Variants in RET observed in about 807,000 individuals in gnomAD.
RET encodes proto-oncogene tyrosine-protein kinase receptor Ret.
RET carries 19 observed loss-of-function variants against 118.3 expected under a neutral mutation model. The observed-to-expected ratio is 0.16, with a 90% confidence interval of 0.11 to 0.24. The LOEUF (loss-of-function observed/expected upper bound fraction) is 0.24, where lower values mean the gene tolerates loss of function less well. Among genes scored for constraint, RET ranks in the 10% least tolerant of loss-of-function variants. The pLI is 1.00. For missense variants in RET, 1,219 were observed against 1,502.1 expected (o/e 0.81, Z 3.12); for synonymous variants, 597 against 644.1 (o/e 0.93, Z 1.11).
At chr10:43,111,598 C>G (rs1318461845) in intron 7 of RET, 133 bp downstream of exon 7, 2 of 974,482 alleles carry the variant, frequency 2.1e-6, no homozygotes, top group Non-Finnish European at 3.0e-6. Context: ...CCAGCTTCAC[C>G]CTGAGTGACC....
At position 43,109,222 on chromosome 10, in the gene RET, T is replaced by C; in HGVS notation, c.1255T>C (p.Phe419Leu). 1 of 1,612,968 alleles carries C rather than the reference T, an allele frequency of 6.2e-7. No individual in the cohort carries two copies. The highest frequency in any genetic ancestry group is 2.2e-5 in the East Asian group (1 of 44,872). Residue 419 changes from phenylalanine to leucine, a missense_variant, in exon 6 of 20, where the codon TTT (phenylalanine) becomes CTT (leucine). By Grantham distance (22) the Phe-to-Leu change is conservative. Coordinates refer to ENST00000355710, the MANE Select transcript of RET (RefSeq NM_020975.6). Reference protein sequence around the residue: ...SLSVSRRARRFAQIGKVCVEN... With the variant: ...SLSVSRRARRLAQIGKVCVEN... Reference sequence around the variant, plus strand: ...CTCCGTGAGCAGGAGGGCTCGCCGATTTGCCCAGGTGAGCCCATACCTATT... The same window carrying C: ...CTCCGTGAGCAGGAGGGCTCGCCGACTTGCCCAGGTGAGCCCATACCTATT...
chr10:43,083,626 G>A (rs1020568432), intron 1 of RET, among the ~76,000 whole-genome samples: 3 of 151,772 alleles, frequency 2.0e-5, no homozygotes, highest in Non-Finnish European at 4.4e-5. Flanking sequence ...TACAGAGGAC[G>A]CGGGGATGGG....
In RET at chr10:43,116,686, A is replaced by C. The variant is rs2132907805; in HGVS notation, c.2239A>C (p.Lys747Gln). Reference protein sequence around the residue: ...KVVKATAFHLKGRAGYTTVAV... With the variant: ...KVVKATAFHLQGRAGYTTVAV... ...GGTCAAGGCAACGGCCTTCCATCTG[A>C]AAGGCAGAGCAGGGTACACCACGGT... Residue 747 changes from lysine (K) to glutamine (Q), a missense_variant, in exon 12 of 20, where the codon AAA becomes CAA. By Grantham distance (53) the Lys-to-Gln change is moderately conservative. Around this residue, in one of 5 missense-constraint regions of RET, gnomAD observed 850 missense variants for 969.6 expected, o/e 0.88. Coordinates refer to ENST00000355710, the MANE Select transcript of RET (RefSeq NM_020975.6). 4 of 1,611,884 alleles carry C rather than the reference A, an allele frequency of 2.5e-6. No homozygotes were observed. In the East Asian group the frequency reaches 6.7e-5, roughly 27 times the overall value.
rs77939446 is a variant in RET at position 43,113,622 on chromosome 10, G to T, written c.1826G>T (p.Cys609Phe). The T allele has an allele frequency of 1.2e-6, 2 of 1,613,266 alleles. No homozygotes were observed. Among genetic ancestry groups the T allele is most frequent in the Non-Finnish European group, 1.7e-6 (2 of 1,179,832 alleles). ...PRGIKAGYGT[C>F]NCFPEEEKCF... ...GGGATTAAAGCTGGCTATGGCACCT[G>T]CAACTGCTTCCCTGAGGAGGAGAAG... is the stretch of plus-strand genomic sequence containing the variant. The change falls in exon 10 of 20, where the codon TGC (cysteine) becomes TTC (phenylalanine). Residue 609 changes from cysteine (C) to phenylalanine (F), a missense_variant. By Grantham distance (205) the Cys-to-Phe change is radical (BLOSUM62 -2). This residue lies in a region of RET where 850 missense variants were observed against 969.6 expected (regional missense o/e 0.88). Transcript: ENST00000355710.
chr10:43,128,512 T>C lies in RET; in HGVS notation c.*243T>C. 2 of 575,276 alleles carry C rather than the reference T, an allele frequency of 3.5e-6. No individual in the cohort carries two copies. Among genetic ancestry groups the C allele is most frequent in the East Asian group, 3.0e-5 (1 of 33,282 alleles). The allele number at this position is 575,276 out of a possible 1,614,324, so 35.6% of individuals were successfully genotyped here. On this transcript the variant is annotated 3_prime_UTR_variant, in exon 20 of 20. Transcript: ENST00000355710. ...GCTCTGAGTCTTAGTGGTTAAGCAT[T>C]CCTTTCTCTTCAGTGCCCAGCAGCA...
Position 43,114,685 on chromosome 10 carries a change from C to G in RET, c.2085C>G (p.Pro695=), listed in dbSNP as rs571603831. Residue 695 remains proline, a synonymous_variant, in exon 11 of 20, where the codon CCC becomes CCG. Coordinates refer to ENST00000355710, the MANE Select transcript of RET (RefSeq NM_020975.6). This position sits in a 1 kb window ranked among gnomAD's most constrained non-coding sequence, Gnocchi z 4.6. ...ACTCCTCTTCCGGTGCCCGCCGGCC[C>G]TCGCTGGACTCCATGGAGAACCAGG... ...VSYSSSGARR[P]SLDSMENQVS... 6.2e-7 allele frequency: 1 copy of G among 1,612,352 alleles called. No individual in the cohort carries two copies. Among genetic ancestry groups the G allele is most frequent in the Admixed American group, 1.7e-5 (1 of 59,992 alleles).
intron 5 of RET, among the ~76,000 whole-genome samples, chr10:43,107,056 A>G (rs1384372015): frequency 1.3e-5 from 2 of 152,182 alleles, no homozygotes; most frequent in Non-Finnish European, 2.9e-5. Flanking sequence ...ACATGCCACC[A>G]TGCTCACCTG....
rs1353359492 is a variant in RET, at chr10:43,128,327, A to G, written c.*58A>G. On this transcript the variant is annotated 3_prime_UTR_variant, in exon 20 of 20. Coordinates refer to ENST00000355710, the MANE Select transcript of RET (RefSeq NM_020975.6). The stretch of plus-strand genomic sequence containing the variant: ...GGGAAGAAACATGCTGAGAATGGAA[A>G]GTCTACCGGCCCTTTCTTTGTGAAC... 1 of 1,592,254 alleles carries G rather than the reference A, an allele frequency of 6.3e-7. No homozygotes were observed. Among genetic ancestry groups the G allele is most frequent in the Non-Finnish European group, 8.6e-7 (1 of 1,160,438 alleles).
At chr10:43,107,362 A>AGTGG (rs1837805236) in intron 5 of RET, among the ~76,000 whole-genome samples, 1 of 152,160 alleles carries the variant, frequency 6.6e-6, no homozygotes, top group African/African-American at 2.4e-5. Context: ...TGTTTCCACC[A>AGTGG]CATGAGATCC....
In RET at chr10:43,119,583, C is replaced by G. The variant is rs751447014; in HGVS notation, c.2445C>G (p.Phe815Leu). ...EYAKYGSLRG[F>L]LRESRKVGPG... is the part of the protein sequence containing the mutation. Reference sequence around the variant, plus strand: ...CCAAATACGGCTCCCTGCGGGGCTTCCTCCGCGAGAGCCGCAAAGTGGGGC... The same window carrying G: ...CCAAATACGGCTCCCTGCGGGGCTTGCTCCGCGAGAGCCGCAAAGTGGGGC... The change falls in exon 14 of 20, where the codon TTC becomes TTG. Residue 815 changes from phenylalanine to leucine, a missense_variant. Transcript: ENST00000355710. 9 of 1,611,462 alleles carry G rather than the reference C, an allele frequency of 5.6e-6. No individual in the cohort carries two copies. The South Asian group carries it at 9.9e-5, about 18-fold the overall frequency.
chr10:43,095,772 A>G (rs1040220909), intron 1 of RET, among the ~76,000 whole-genome samples: 1 of 152,176 alleles, frequency 6.6e-6, no homozygotes, highest in Non-Finnish European at 1.5e-5. Context: ...CACACACTAC[A>G]TAGGCCTTGA....
At chr10:43,089,458 C>T (rs1226738833) in intron 1 of RET, among the ~76,000 whole-genome samples, 1 of 152,248 alleles carries the variant, frequency 6.6e-6, no homozygotes, top group South Asian at 2.1e-4. Context: ...GGCTGGTGGG[C>T]TGCCAGGATA....
rs138847998 is a variant in RET at position 43,119,605 on chromosome 10, G to A, written c.2467G>A (p.Gly823Arg). The A allele has an allele frequency of 6.2e-6, 10 of 1,612,694 alleles. No individual in the cohort carries two copies. The highest frequency in any genetic ancestry group is 1.1e-5 in the South Asian group (1 of 91,078). ...RGFLRESRKV[G>R]PGYLGSGGSR... is the part of the protein sequence containing the mutation. Reference sequence around the variant, plus strand: ...CTTCCTCCGCGAGAGCCGCAAAGTGGGGCCTGGCTACCTGGGCAGTGGAGG... The same window carrying A: ...CTTCCTCCGCGAGAGCCGCAAAGTGAGGCCTGGCTACCTGGGCAGTGGAGG... Residue 823 changes from glycine (G) to arginine (R), a missense_variant, in exon 14 of 20, where the codon GGG becomes AGG. Physicochemically the swap from Gly to Arg is moderately radical, Grantham distance 125. Transcript: ENST00000355710.
intron 1 of RET, among the ~76,000 whole-genome samples, chr10:43,079,037 A>G (rs1347224496): frequency 6.6e-6 from 1 of 152,174 alleles, no homozygotes; most frequent in Non-Finnish European, 1.5e-5. Flanking sequence ...GGACCGCCCC[A>G]GTGAGCCCCT....
intron 11 of RET, among the ~76,000 whole-genome samples, chr10:43,115,254 G>A (rs1838045489): frequency 6.6e-6 from 1 of 152,232 alleles, no homozygotes; most frequent in South Asian, 2.1e-4. Context: ...GGTGAGCCAC[G>A]CAGCTTATGG....
chr10:43,104,386 G>A (rs1227550294), intron 3 of RET, among the ~76,000 whole-genome samples: 2 of 152,046 alleles, frequency 1.3e-5, no homozygotes, highest in Non-Finnish European at 2.9e-5. Flanking sequence ...GCATGGTGGC[G>A]GGCGCCTGTA....
At chr10:43,112,324 C>T (rs2132804500) in intron 8 of RET, 100 bp downstream of exon 8, 2 of 1,513,012 alleles carry the variant, frequency 1.3e-6, no homozygotes, top group Non-Finnish European at 1.8e-6. Flanking sequence ...CTCCCTGCTC[C>T]AGGTCTGCTT....
In RET at chr10:43,112,905, C is replaced by T. The variant is rs201209972; in HGVS notation, c.1701C>T (p.Asp567=). ...CTCCCAGCACCAAGACCTGCCCCGA[C>T]GGCCACTGCGATGTTGTGGAGACCC... ...TCSPSTKTCP[D]GHCDVVETQD... The change falls in exon 9 of 20, where the codon GAC becomes GAT. Residue 567 remains aspartate (D), a synonymous_variant. Transcript: ENST00000355710. The T allele has an allele frequency of 1.9e-4, 314 of 1,614,120 alleles. No homozygotes were observed. The highest frequency in any genetic ancestry group is 2.4e-4 in the Non-Finnish European group (285 of 1,179,986).
rs1837059201 is a variant in RET, at chr10:43,077,123, T to TCGCGCCCCCAGTGTCCGTCGCGTCCGC, written c.-127_-101dup. On this transcript the variant is annotated 5_prime_UTR_variant, in exon 1 of 20. Coordinates refer to ENST00000355710, the MANE Select transcript of RET (RefSeq NM_020975.6). ...AGCGCTGAGTGCCCCGGAACGTGCG[T>TCGCGCCCCCAGTGTCCGTCGCGTCCGC]CGCGCCCCCAGTGTCCGTCGCGTCC... The TCGCGCCCCCAGTGTCCGTCGCGTCCGC allele has an allele frequency of 8.2e-7, 1 of 1,216,306 alleles. No homozygotes were observed. The highest frequency in any genetic ancestry group is 2.4e-5 in the South Asian group (1 of 41,796). 75.3% of individuals were successfully genotyped at this position (1,216,306 alleles called of 1,614,324 possible). A position where few individuals can be genotyped will look rare whatever the true frequency, so the allele number is the denominator to read the frequency against.
Sources: allele counts gnomAD v4.1 joint callset (sites outside exome capture counted in the v4.1 genomes callset), GRCh38; gene constraint gnomAD v4.1.1; regional missense constraint gnomAD v4.1.1; non-coding constraint Gnocchi (gnomAD v3.1); transcripts MANE v1.5; gene names NCBI Gene and HGNC (gene_info 2026-07-23, HGNC 2026-07-21).